NDUFS5: variants seen among roughly 807,000 people sequenced by gnomAD.
NDUFS5 encodes the protein NADH:ubiquinone oxidoreductase subunit S5.
NDUFS5 carries 7 observed loss-of-function variants against 10.5 expected under a neutral mutation model. The ratio of observed to expected loss-of-function variants is 0.66; its 90% CI spans 0.38 to 1.25. The LOEUF (loss-of-function observed/expected upper bound fraction) is 1.25, where lower values mean the gene tolerates loss of function less well. Among genes scored for constraint, NDUFS5 ranks in the 50% most tolerant of loss-of-function variants. NDUFS5 has a pLI of 0.02. For synonymous variants in NDUFS5, 38 were observed against 44.0 expected (o/e 0.86, Z 0.54); for missense variants, 148 against 140.7 (o/e 1.05, Z -0.26).
rs560606020 is a variant in NDUFS5 at position 39,033,658 on chromosome 1, C to T, written c.217-734C>T. ...CTGGGACCACAGGCGCGCGCCACCACGCCTGGCTAATTTTTGTATTTTTAG... is the reference window on the plus strand; with the variant it reads ...CTGGGACCACAGGCGCGCGCCACCATGCCTGGCTAATTTTTGTATTTTTAG... On this transcript the variant is annotated intron_variant, in intron 2 of 2. Coordinates refer to ENST00000372969, the MANE Select transcript of NDUFS5 (RefSeq NM_004552.3). Among the ~76,000 whole-genome samples, 483 of 145,586 alleles carry T rather than the reference C, an allele frequency of 3.3e-3. 5 individuals carry two copies. The highest frequency in any genetic ancestry group is 0.011 in the African/African-American group (443 of 39,512).
intron 1 of NDUFS5, among the ~76,000 whole-genome samples, chr1:39,028,443 A>G (rs1644167906): frequency 6.6e-6 from 1 of 152,046 alleles, no homozygotes; most frequent in African/African-American, 2.4e-5. Context: ...GTGGTAGGTG[A>G]GCCACCGCTC....
intron 1 of NDUFS5, among the ~76,000 whole-genome samples, chr1:39,027,670 C>T (rs1376780853): frequency 7.3e-6 from 1 of 136,266 alleles, no homozygotes; most frequent in South Asian, 2.3e-4. Context: ...CCTTGAACTC[C>T]TGGCCTCAGT....
At chr1:39,027,974 C>T (rs1187846566) in intron 1 of NDUFS5, among the ~76,000 whole-genome samples, 20 of 149,234 alleles carry the variant, frequency 1.3e-4, no homozygotes, top group African/African-American at 3.9e-4. Flanking sequence ...TGTGCCAACA[C>T]GCCCAGCTAA....
rs762251998 is a variant in NDUFS5 at position 39,034,448 on chromosome 1, G to A, written c.273G>A (p.Lys91=). ...GGGATAAGCTGATAAAGGAAGGAAA[G>A]TACACCCCTCCACCTCACCACATTG... The part of the protein sequence containing the change: ...KQRDKLIKEG[K]YTPPPHHIGK... Residue 91 remains lysine (K), a synonymous_variant, in exon 3 of 3, where the codon AAG becomes AAA. Transcript: ENST00000372969. 2.5e-6 allele frequency: 4 copies of A among 1,613,792 alleles called. No homozygotes were observed. The highest frequency in any genetic ancestry group is 2.2e-5 in the East Asian group (1 of 44,866).
chr1:39,027,244 A>AT (rs1387977198), intron 1 of NDUFS5, among the ~76,000 whole-genome samples: 2 of 151,600 alleles, frequency 1.3e-5, no homozygotes, highest in Non-Finnish European at 2.9e-5. Flanking sequence ...CTAATTTTGT[A>AT]TTTTTTTAGT....
intron 2 of NDUFS5, among the ~76,000 whole-genome samples, chr1:39,030,684 C>T (rs1164154602): frequency 6.7e-6 from 1 of 149,688 alleles, no homozygotes; most frequent in Non-Finnish European, 1.5e-5. Context: ...TGTGCCACTG[C>T]ACTCCAGCCT....
chr1:39,034,495 G>A lies in NDUFS5; in HGVS notation c.320G>A (p.Ter107=). 1 of 1,613,070 alleles carries A rather than the reference G, an allele frequency of 6.2e-7. No individual in the cohort carries two copies. The change falls in exon 3 of 3, where the codon TGA becomes TAA. Residue 107 remains the stop codon, a stop_retained_variant. Coordinates refer to ENST00000372969, the MANE Select transcript of NDUFS5 (RefSeq NM_004552.3). ...ATTGGCAAGGGGGAGCCTCGGCCCT[G>A]AACAGAGCAGCTGCTGATGTCTGGA... The part of the protein sequence containing the change: ...HHIGKGEPRP[*]
At chr1:39,029,973 C>A (rs577976687) in intron 2 of NDUFS5, among the ~76,000 whole-genome samples, 47 of 151,760 alleles carry the variant, frequency 3.1e-4, no homozygotes, top group African/African-American at 1.1e-3. Context: ...TGCCTATAGT[C>A]CCAGCTGCTC....
At chr1:39,032,571 T>C (rs1021861759) in intron 2 of NDUFS5, among the ~76,000 whole-genome samples, 1 of 147,492 alleles carries the variant, frequency 6.8e-6, no homozygotes, top group Non-Finnish European at 1.5e-5. Flanking sequence ...GAAACTAGTC[T>C]AGGCACTAGG....
chr1:39,026,630 A>G (rs1644150750), intron 1 of NDUFS5, among the ~76,000 whole-genome samples: 1 of 152,152 alleles, frequency 6.6e-6, no homozygotes, highest in Non-Finnish European at 1.5e-5. Flanking sequence ...TGCCGGACTA[A>G]TGTTTTGGCT....
chr1:39,034,191 T>A (rs1644212704), intron 2 of NDUFS5, among the ~76,000 whole-genome samples: 1 of 152,162 alleles, frequency 6.6e-6, no homozygotes, highest in South Asian at 2.1e-4. Context: ...TTCAGAGAGG[T>A]TATGTATACT....
At chr1:39,028,357 T>C (rs11205582) in intron 1 of NDUFS5, among the ~76,000 whole-genome samples, 106,784 of 151,702 alleles carry the variant, frequency 0.7, 39,663 homozygotes, top group Non-Finnish European at 0.85. Flanking sequence ...GCTTGAACCC[T>C]GGAGGAGGAG....
chr1:39,030,774 G>C (rs1196132675), intron 2 of NDUFS5, among the ~76,000 whole-genome samples: 1 of 151,874 alleles, frequency 6.6e-6, no homozygotes, highest in Non-Finnish European at 1.5e-5. Context: ...ATACCAACAG[G>C]AGGCATTGTA....
At chr1:39,028,523 C>T (rs529411015) in intron 1 of NDUFS5, among the ~76,000 whole-genome samples, 200 bp from the exon 2 acceptor site, 18 of 152,056 alleles carry the variant, frequency 1.2e-4, no homozygotes, top group African/African-American at 3.6e-4. Flanking sequence ...TTTGAAAAAG[C>T]GCAAAAACTG....
chr1:39,031,741 AG>A (rs1238703642), intron 2 of NDUFS5, among the ~76,000 whole-genome samples: 1 of 152,198 alleles, frequency 6.6e-6, no homozygotes, highest in Non-Finnish European at 1.5e-5. Context: ...TACCATTTTC[AG>A]GGTCACCTTA....
chr1:39,028,961 G>A (rs962904429), intron 2 of NDUFS5, 21 bp downstream of exon 2: 8 of 1,598,698 alleles, frequency 5.0e-6, no homozygotes, highest in Non-Finnish European at 6.9e-6. Flanking sequence ...GATGGAGGTG[G>A]AAGCTGAATT....
intron 1 of NDUFS5, among the ~76,000 whole-genome samples, chr1:39,027,739 C>CTTTTT (rs1162808002): frequency 2.3e-5 from 1 of 43,368 alleles, no homozygotes; most frequent in East Asian, 5.5e-4. Context: ...CCACAAGTGC[C>CTTTTT]TTTTTTTTTT....
At chr1:39,028,028 C>T (rs1228357599) in intron 1 of NDUFS5, among the ~76,000 whole-genome samples, 8 of 148,378 alleles carry the variant, frequency 5.4e-5, no homozygotes, top group African/African-American at 2.0e-4. Flanking sequence ...CCATATTGGC[C>T]AGGCTGGTCT....
rs760373747 is a variant in NDUFS5 at position 39,027,581 on chromosome 1, G to GTTTT, written c.-2-1130_-2-1127dup. Among the ~76,000 whole-genome samples, 4 of 91,134 alleles carry GTTTT rather than the reference G, an allele frequency of 4.4e-5. 2 individuals carry two copies. Among genetic ancestry groups the GTTTT allele is most frequent in the Non-Finnish European group, 4.4e-5 (2 of 45,282 alleles). The allele number at this position is 91,134 out of a possible 152,430, so 59.8% of individuals were successfully genotyped here. ...GTCTTAACCCATTTCTTTCGCTCTG[G>GTTTT]TTTTTTTTTTTTTTTGAGACAGGAT... On this transcript the variant is annotated intron_variant, in intron 1 of 2. Transcript: ENST00000372969.
Sources: gnomAD v4.1 joint callset for allele counts (sites outside exome capture counted in the v4.1 genomes callset) on GRCh38, gnomAD v4.1.1 for gene constraint, MANE v1.5 for transcripts, NCBI Gene and HGNC (gene_info 2026-07-23, HGNC 2026-07-21) for gene names.